Variants in FBN1 observed in about 807,000 individuals in gnomAD.
FBN1 encodes fibrillin-1.
A neutral mutation model predicts 365.1 loss-of-function variants in FBN1; 29 were observed. The observed-to-expected ratio is 0.08, with a 90% CI of 0.06 to 0.11. FBN1 has a LOEUF of 0.11. Ranked by LOEUF, FBN1 falls within the 10% of genes least tolerant of loss-of-function variation. FBN1 has a pLI of 1.00. For missense variants in FBN1, 2,476 were observed against 3,703.2 expected (o/e 0.67, Z 8.60); for synonymous variants, 1,210 against 1,270.5 (o/e 0.95, Z 1.01).
At chr15:48,550,035 G>A (rs2044129442) in intron 6 of FBN1, among the ~76,000 whole-genome samples, 1 of 152,222 alleles carries the variant, frequency 6.6e-6, no homozygotes, top group South Asian at 2.1e-4. Flanking sequence ...CATTTAGGCA[G>A]AACACAGTGC....
At chr15:48,525,658 G>A (rs2141342626) in intron 9 of FBN1, among the ~76,000 whole-genome samples, 1 of 152,294 alleles carries the variant, frequency 6.6e-6, no homozygotes, top group East Asian at 1.9e-4. Context: ...ACTACCGAGG[G>A]TTTGAGCAAG....
At chr15:48,429,927 C>A (rs1388814012) in intron 56 of FBN1, among the ~76,000 whole-genome samples, 3 of 152,142 alleles carry the variant, frequency 2.0e-5, no homozygotes, top group Non-Finnish European at 2.9e-5. Flanking sequence ...ATTATCTAAG[C>A]AGAGGTCAGG....
chr15:48,598,666 C>T (rs181305316), intron 5 of FBN1, among the ~76,000 whole-genome samples: 1 of 152,302 alleles, frequency 6.6e-6, no homozygotes, highest in African/African-American at 2.4e-5. Flanking sequence ...TTCCCCATCA[C>T]CTGACAGGTA....
At chr15:48,481,376 A>G (rs1374883838) in intron 32 of FBN1, among the ~76,000 whole-genome samples, 1 of 152,156 alleles carries the variant, frequency 6.6e-6, no homozygotes, top group Non-Finnish European at 1.5e-5. Context: ...TTGATATGAA[A>G]ATGTGATTTT....
intron 6 of FBN1, among the ~76,000 whole-genome samples, chr15:48,584,734 C>A (rs2044422723): frequency 6.6e-6 from 1 of 152,066 alleles, no homozygotes; most frequent in Non-Finnish European, 1.5e-5. Context: ...ATTATGCCGT[C>A]TGAAAAAATA....
intron 38 of FBN1, among the ~76,000 whole-genome samples, chr15:48,466,330 T>C (rs55999498): frequency 0.13 from 19,562 of 152,240 alleles, 1,526 homozygotes; most frequent in African/African-American, 0.22. Flanking sequence ...CCCATCCCAA[T>C]TCTCTCCTTA....
chr15:48,426,432 AG>A (rs1415987413), intron 58 of FBN1, among the ~76,000 whole-genome samples: 2 of 152,192 alleles, frequency 1.3e-5, no homozygotes, highest in East Asian at 1.9e-4. Context: ...GAAACTAACC[AG>A]GGCTCTGAGG....
In FBN1 at chr15:48,441,761, T is replaced by C; in HGVS notation, c.6123A>G (p.Pro2041=). Residue 2041 remains proline, a synonymous_variant, in exon 50 of 66, where the codon CCA becomes CCG. Transcript: ENST00000316623. ...NTEGSFKCLC[P]EGFSLSSSGR... Reference sequence around the variant, plus strand: ...CACTGGAGGACAAGGAAAACCCTTCTGGACACAGACATTTGAAGCTGCCTT... The same window carrying C: ...CACTGGAGGACAAGGAAAACCCTTCCGGACACAGACATTTGAAGCTGCCTT... 6.2e-7 allele frequency: 1 copy of C among 1,613,758 alleles called. No homozygotes were observed. Among genetic ancestry groups the C allele is most frequent in the Non-Finnish European group, 8.5e-7 (1 of 1,179,702 alleles).
rs867874132 is a variant in FBN1 at position 48,547,624 on chromosome 15, T to C, written c.539-9816A>G. Among the ~76,000 whole-genome samples the C allele has an allele frequency of 5.3e-5, 8 of 152,202 alleles. 1 individual carries two copies. Among genetic ancestry groups the C allele is most frequent in the Middle Eastern group, 6.8e-3 (2 of 294 alleles). ...ACGGCAGGGAGATGGTTTTGATACA[T>C]TGGTTGGCAAATGTTATTTCTAGAA... On this transcript the variant is annotated intron_variant, in intron 6 of 65. Transcript: ENST00000316623.
intron 43 of FBN1, among the ~76,000 whole-genome samples, chr15:48,459,486 T>C (rs891274385): frequency 2.6e-4 from 40 of 152,210 alleles, no homozygotes; most frequent in African/African-American, 8.2e-4. Context: ...AGTTTACTTA[T>C]TATGAATAAG....
At chr15:48,621,563 C>T (rs1426498482) in intron 2 of FBN1, among the ~76,000 whole-genome samples, 1 of 152,086 alleles carries the variant, frequency 6.6e-6, no homozygotes, top group Non-Finnish European at 1.5e-5. Flanking sequence ...ACAGCTAAGT[C>T]AAGTCTAAGA....
intron 13 of FBN1, among the ~76,000 whole-genome samples, chr15:48,512,749 T>C (rs2043770957): frequency 6.6e-6 from 1 of 152,114 alleles, no homozygotes; most frequent in African/African-American, 2.4e-5. Flanking sequence ...TATTTAACTT[T>C]AACAGAGTAT....
intron 6 of FBN1, among the ~76,000 whole-genome samples, chr15:48,553,133 A>G (rs747486519): frequency 6.6e-6 from 1 of 152,188 alleles, no homozygotes; most frequent in Non-Finnish European, 1.5e-5. Flanking sequence ...AAATAAGCTC[A>G]CTAATATCTC....
At chr15:48,548,524 G>T (rs1448012229) in intron 6 of FBN1, among the ~76,000 whole-genome samples, 3 of 152,240 alleles carry the variant, frequency 2.0e-5, no homozygotes, top group African/African-American at 4.8e-5. Context: ...CTAGAAAAAA[G>T]ATTTAAAGTT....
chr15:48,593,591 A>G (rs1013699769), intron 6 of FBN1, among the ~76,000 whole-genome samples: 1 of 152,170 alleles, frequency 6.6e-6, no homozygotes, highest in African/African-American at 2.4e-5. Context: ...AACAGCAATT[A>G]TTTCCAGGAG....
intron 51 of FBN1, 100 bp from the exon 52 acceptor site, chr15:48,437,487 T>C (rs1270825047): frequency 7.4e-6 from 8 of 1,075,200 alleles, no homozygotes; most frequent in African/African-American, 1.5e-5. Context: ...GCTGTGCATA[T>C]TGATAAATGA....
At chr15:48,486,956 C>A in intron 29 of FBN1, 119 bp downstream of exon 29, 1 of 787,940 alleles carries the variant, frequency 1.3e-6, no homozygotes, top group East Asian at 3.4e-5. Flanking sequence ...AAACAAAACT[C>A]AGAGTACATA....
intron 10 of FBN1, among the ~76,000 whole-genome samples, chr15:48,516,731 G>A (rs761159670): frequency 5.9e-5 from 9 of 152,142 alleles, no homozygotes; most frequent in Admixed American, 1.3e-4. Context: ...TATTTTATGC[G>A]CAGTGCAAAA....
At chr15:48,541,135 C>T (rs2044054841) in intron 6 of FBN1, among the ~76,000 whole-genome samples, 1 of 151,548 alleles carries the variant, frequency 6.6e-6, no homozygotes, top group Admixed American at 6.6e-5. Context: ...TAAGACTTTT[C>T]CAGGGTCAAT....
Sources: gnomAD v4.1 joint callset for allele counts (sites outside exome capture counted in the v4.1 genomes callset) on GRCh38, gnomAD v4.1.1 for gene constraint, MANE v1.5 for transcripts, NCBI Gene and HGNC (gene_info 2026-07-23, HGNC 2026-07-21) for gene names.